Variants in ARHGAP6 observed in about 807,000 individuals in gnomAD.
The protein encoded by ARHGAP6 is Rho GTPase activating protein 6.
Under a neutral mutation model 55.7 loss-of-function variants are expected in ARHGAP6, and 16 were observed. The ratio of observed to expected loss-of-function variants is 0.29; its 90% CI spans 0.19 to 0.44. ARHGAP6 has a LOEUF of 0.44. ARHGAP6 is among the 20% of genes least tolerant of loss of function. The probability of loss-of-function intolerance (pLI) is 1.00; values close to 1 mark genes in which losing one functional copy is unlikely to be tolerated. For missense variants in ARHGAP6, 698 were observed against 808.9 expected (o/e 0.86, Z 1.66); for synonymous variants, 382 against 360.9 (o/e 1.06, Z -0.66).
intron 2 of ARHGAP6, among the ~76,000 whole-genome samples, chrX:11,237,270 C>G: frequency 8.9e-6 from 1 of 112,546 alleles, no homozygotes; most frequent in Non-Finnish European, 1.9e-5. Context: ...AAGACCTCCT[C>G]TGGTGCTGCT....
At chrX:11,517,586 C>T (rs2050856109) in intron 1 of ARHGAP6, among the ~76,000 whole-genome samples, 1 of 111,178 alleles carries the variant, frequency 9.0e-6, no homozygotes, top group South Asian at 3.8e-4. Flanking sequence ...AACTTTAATC[C>T]TATGTGTTTG....
At chrX:11,185,950 C>T (rs769588396) in intron 5 of ARHGAP6, among the ~76,000 whole-genome samples, 1 of 111,136 alleles carries the variant, frequency 9.0e-6, no homozygotes, top group African/African-American at 3.3e-5. Flanking sequence ...ACAAACCCAG[C>T]CCAACAGATC....
chrX:11,565,098 C>A (rs777877076), intron 1 of ARHGAP6, among the ~76,000 whole-genome samples: 27 of 112,113 alleles, frequency 2.4e-4, no homozygotes, highest in African/African-American at 8.7e-4. Flanking sequence ...AGTAAGGATA[C>A]GGTTAGGGAG....
intron 1 of ARHGAP6, among the ~76,000 whole-genome samples, chrX:11,580,454 G>A (rs2051653058): frequency 8.9e-6 from 1 of 111,738 alleles, no homozygotes; most frequent in Non-Finnish European, 1.9e-5. Flanking sequence ...TCCCAACGAA[G>A]CATGACCAAA....
At chrX:11,407,199 T>C (rs1237383858) in intron 1 of ARHGAP6, among the ~76,000 whole-genome samples, 1 of 111,546 alleles carries the variant, frequency 9.0e-6, no homozygotes, top group Non-Finnish European at 1.9e-5. Context: ...TCCATCTCCA[T>C]GGATTTGCCT....
chrX:11,610,722 A>G (rs533133370), intron 1 of ARHGAP6, among the ~76,000 whole-genome samples: 1 of 112,306 alleles, frequency 8.9e-6, no homozygotes, highest in African/African-American at 3.2e-5. Context: ...GGTTTTTAGT[A>G]TTTTCACAGG....
At chrX:11,427,452 C>T in intron 1 of ARHGAP6, 1 of 893,868 alleles carries the variant, frequency 1.1e-6, no homozygotes, top group Non-Finnish European at 1.4e-6. Context: ...AGCCGTGGAC[C>T]TGTGGGGAGC....
intron 1 of ARHGAP6, among the ~76,000 whole-genome samples, chrX:11,444,167 G>A (rs2050069697): frequency 8.9e-6 from 1 of 111,996 alleles, no homozygotes; most frequent in Non-Finnish European, 1.9e-5. Flanking sequence ...TATACAGTCT[G>A]TGTCACAACT....
intron 1 of ARHGAP6, among the ~76,000 whole-genome samples, chrX:11,622,176 T>A (rs68034074): frequency 0.14 from 15,664 of 111,569 alleles, 1,001 homozygotes; most frequent in Middle Eastern, 0.24. Flanking sequence ...GGGAAAGGCA[T>A]AGGACAAAGG....
chrX:11,162,335 C>T (rs763106094), intron 9 of ARHGAP6, among the ~76,000 whole-genome samples: 1 of 79,777 alleles, frequency 1.3e-5, no homozygotes, highest in East Asian at 4.9e-4. Flanking sequence ...GAAACTGTGC[C>T]CCCCCCCCCA....
chrX:11,285,781 C>T (rs1336129353), intron 1 of ARHGAP6, among the ~76,000 whole-genome samples: 11 of 112,366 alleles, frequency 9.8e-5, no homozygotes, highest in African/African-American at 3.2e-4. Flanking sequence ...CAGCTTCCTT[C>T]ACTTACACAA....
chrX:11,491,238 T>C (rs1373043178), intron 1 of ARHGAP6, among the ~76,000 whole-genome samples: 1 of 112,027 alleles, frequency 8.9e-6, no homozygotes, highest in African/African-American at 3.2e-5. Flanking sequence ...TTATTATACT[T>C]TAAGTTTTAG....
At chrX:11,193,349 G>A (rs1468316557) in intron 3 of ARHGAP6, among the ~76,000 whole-genome samples, 1 of 112,437 alleles carries the variant, frequency 8.9e-6, no homozygotes, top group Non-Finnish European at 1.9e-5. Flanking sequence ...ATGTGCAGCT[G>A]TTACAAATCC....
At chrX:11,592,558 A>ATGCATTAAATG (rs1451005078) in intron 1 of ARHGAP6, among the ~76,000 whole-genome samples, 1 of 111,329 alleles carries the variant, frequency 9.0e-6, no homozygotes, top group Non-Finnish European at 1.9e-5. Context: ...GCTGGTATAT[A>ATGCATTAAATG]ATATATACAA....
In ARHGAP6 at chrX:11,158,524, A is replaced by T. The variant is rs189184275; in HGVS notation, c.1810-1898T>A. On this transcript the variant is annotated intron_variant, in intron 9 of 12. Coordinates refer to ENST00000337414, the MANE Select transcript of ARHGAP6 (RefSeq NM_013427.3). The stretch of plus-strand genomic sequence containing the variant: ...AAAATACGTACTTGATGAACCTTTG[A>T]TACAACAGCTTTCAAATTTGTCTGC... Among the ~76,000 whole-genome samples the T allele has an allele frequency of 2.7e-5, 3 of 112,549 alleles. No individual in the cohort carries two copies. The East Asian group carries it at 8.3e-4, about 31-fold the overall frequency.
chrX:11,311,718 C>G (rs1269325075), intron 1 of ARHGAP6, among the ~76,000 whole-genome samples: 1 of 111,638 alleles, frequency 9.0e-6, no homozygotes, highest in African/African-American at 3.3e-5. Context: ...GAACGTTCCC[C>G]AAAGCGCCGG....
chrX:11,144,810 G>A, intron 10 of ARHGAP6, among the ~76,000 whole-genome samples: 1 of 111,903 alleles, frequency 8.9e-6, no homozygotes, highest in Middle Eastern at 4.6e-3. Context: ...TGCCACCGGT[G>A]GGAATAAGTG....
intron 1 of ARHGAP6, among the ~76,000 whole-genome samples, chrX:11,312,643 C>T (rs1228815413): frequency 1.8e-5 from 2 of 111,552 alleles, no homozygotes; most frequent in African/African-American, 6.5e-5. Context: ...TATCACAATG[C>T]CTGCCTGGTA....
chrX:11,505,209 T>C lies in ARHGAP6; in HGVS notation c.588+159032A>G, dbSNP rs779649076. On this transcript the variant is annotated intron_variant, in intron 1 of 12. Transcript: ENST00000337414. ...GCCTAGGCAGGTTGTGTTCCCCTTGTTTTATGCTTGGGTTAGTCAAACATG... is the reference window on the plus strand; with the variant it reads ...GCCTAGGCAGGTTGTGTTCCCCTTGCTTTATGCTTGGGTTAGTCAAACATG... Among the ~76,000 whole-genome samples the C allele has an allele frequency of 2.7e-5, 3 of 111,144 alleles. No homozygotes were observed. The South Asian group carries it at 1.2e-3, about 43-fold the overall frequency.
Sources: allele counts gnomAD v4.1 joint callset (sites outside exome capture counted in the v4.1 genomes callset), GRCh38; gene constraint gnomAD v4.1.1; transcripts MANE v1.5; gene names NCBI Gene and HGNC (gene_info 2026-07-23, HGNC 2026-07-21).